CRACD: variants seen among roughly 807,000 people sequenced by gnomAD.
CRACD encodes capping protein inhibiting regulator of actin dynamics.
A neutral mutation model predicts 106.8 loss-of-function variants in CRACD; 56 were observed. The observed-to-expected ratio is 0.52, with a 90% confidence interval of 0.42 to 0.66. CRACD has a LOEUF of 0.66. Among genes scored for constraint, CRACD ranks in the 30% least tolerant of loss-of-function variants. The pLI, the probability that CRACD is intolerant of heterozygous loss-of-function variation, is 0.00. For synonymous variants in CRACD, 754 were observed against 670.8 expected (o/e 1.12, Z -1.92); for missense variants, 1,730 against 1,623.2 (o/e 1.07, Z -1.13).
intron 2 of CRACD, among the ~76,000 whole-genome samples, chr4:56,245,835 A>G (rs1167405434): frequency 6.6e-6 from 1 of 152,254 alleles, no homozygotes; most frequent in Non-Finnish European, 1.5e-5. Context: ...TTTGGTTGAG[A>G]TAGCAAATAA....
Position 56,180,203 on chromosome 4 carries a change from T to C in CRACD, c.-189+773T>C, listed in dbSNP as rs74596381. ...ATCTGCCTCCCCTGTAAAAATAACA[T>C]CATATCAGCCGGGCACGTTGGCTCA... On this transcript the variant is annotated intron_variant, in intron 2 of 10. Coordinates refer to ENST00000682029, the MANE Select transcript of CRACD (RefSeq NM_001393381.1). Among the ~76,000 whole-genome samples the C allele has an allele frequency of 6.7e-3, 1,015 of 151,780 alleles. 18 individuals are homozygous for C. Among genetic ancestry groups the C allele is most frequent in the African/African-American group, 0.024 (975 of 41,380 alleles).
At chr4:56,270,296 T>A (rs191882676) in intron 2 of CRACD, among the ~76,000 whole-genome samples, 2 of 152,174 alleles carry the variant, frequency 1.3e-5, no homozygotes, top group East Asian at 3.9e-4. Context: ...GCTCAAATGA[T>A]CCTCCCACCT....
At chr4:56,226,396 C>G (rs571008196) in intron 2 of CRACD, among the ~76,000 whole-genome samples, 3 of 152,076 alleles carry the variant, frequency 2.0e-5, no homozygotes, top group East Asian at 1.9e-4. Flanking sequence ...AGAGGAGAAA[C>G]GCAGATACAA....
intron 10 of CRACD, among the ~76,000 whole-genome samples, chr4:56,325,960 G>A (rs537788258): frequency 6.6e-6 from 1 of 152,350 alleles, no homozygotes; most frequent in South Asian, 2.1e-4. Flanking sequence ...TGCCCATGCT[G>A]GAGTGCGATG....
chr4:56,107,644 T>A (rs1733992529), intron 1 of CRACD, among the ~76,000 whole-genome samples: 1 of 152,166 alleles, frequency 6.6e-6, no homozygotes, highest in Non-Finnish European at 1.5e-5. Context: ...CTTTTCAAGT[T>A]TCGAAGGTAG....
Position 56,298,329 on chromosome 4 carries a change from G to A in CRACD, c.100G>A (p.Gly34Ser), listed in dbSNP as rs758380366. 5 of 1,614,104 alleles carry A rather than the reference G, an allele frequency of 3.1e-6. No individual in the cohort carries two copies. The highest frequency in any genetic ancestry group is 3.3e-5 in the Admixed American group (2 of 60,026). ...VQAMSQDNIL[G>S]KVKTLQQQLG... Reference sequence around the variant, plus strand: ...AGCAATGTCACAGGACAACATCCTGGGCAAAGTCAAAACTCTTCAGGTAAG... The same window carrying A: ...AGCAATGTCACAGGACAACATCCTGAGCAAAGTCAAAACTCTTCAGGTAAG... Residue 34 changes from glycine (G) to serine (S), a missense_variant, in exon 4 of 11, where the codon GGC becomes AGC. Around this residue, in one of 5 missense-constraint regions of CRACD, gnomAD observed 1,620 missense variants for 1,481.6 expected, o/e 1.09. Coordinates refer to ENST00000682029, the MANE Select transcript of CRACD (RefSeq NM_001393381.1).
chr4:56,159,992 G>T (rs1012538929), intron 1 of CRACD, among the ~76,000 whole-genome samples: 15 of 151,654 alleles, frequency 9.9e-5, no homozygotes, highest in African/African-American at 3.6e-4. Context: ...TGTTGGTCAG[G>T]CTGGTCTTGA....
At chr4:56,134,674 G>A (rs1346274728) in intron 1 of CRACD, among the ~76,000 whole-genome samples, 1 of 152,252 alleles carries the variant, frequency 6.6e-6, no homozygotes, top group Non-Finnish European at 1.5e-5. Flanking sequence ...CCCTAAGAGA[G>A]TAGACTGTGG....
At chr4:56,058,424 T>G (rs1216367698) in intron 1 of CRACD, among the ~76,000 whole-genome samples, 2 of 152,166 alleles carry the variant, frequency 1.3e-5, no homozygotes, top group Non-Finnish European at 2.9e-5. Context: ...TCAGGCTGAA[T>G]CATTTTTGGA....
intron 1 of CRACD, among the ~76,000 whole-genome samples, chr4:56,062,501 C>T (rs556357298): frequency 8.5e-5 from 13 of 152,122 alleles, no homozygotes; most frequent in African/African-American, 2.4e-5. Flanking sequence ...TGCTTAAAAC[C>T]GGCTTGTTCT....
At chr4:56,238,019 T>C (rs895861274) in intron 2 of CRACD, among the ~76,000 whole-genome samples, 3 of 152,132 alleles carry the variant, frequency 2.0e-5, no homozygotes, top group Admixed American at 2.0e-4. Flanking sequence ...CATCCAGATA[T>C]ATAAATATCT....
chr4:56,228,087 C>A (rs1467921132), intron 2 of CRACD, among the ~76,000 whole-genome samples: 1 of 152,148 alleles, frequency 6.6e-6, no homozygotes, highest in African/African-American at 2.4e-5. Flanking sequence ...TGCCTTGGAG[C>A]CTTCCTGGTA....
rs116644059 is a variant in CRACD, at chr4:56,328,289, C to T, written c.*485C>T. ...GATCATATCTAGCTAAAAGCAAGAA[C>T]ACCCATTCTCCTGAATGCAGTGAGT... On this transcript the variant is annotated 3_prime_UTR_variant, in exon 11 of 11. Coordinates refer to ENST00000682029, the MANE Select transcript of CRACD (RefSeq NM_001393381.1). 344 of 517,420 alleles carry T rather than the reference C, an allele frequency of 6.6e-4. No individual in the cohort carries two copies. Among genetic ancestry groups the T allele is most frequent in the African/African-American group, 6.1e-3 (317 of 52,036 alleles). 32.1% of individuals were successfully genotyped at this position (517,420 alleles called of 1,614,324 possible).
At chr4:56,219,421 C>T (rs1315125085) in intron 2 of CRACD, among the ~76,000 whole-genome samples, 1 of 152,168 alleles carries the variant, frequency 6.6e-6, no homozygotes, top group Non-Finnish European at 1.5e-5. Context: ...GATCTCAGCT[C>T]ACTGCAACCT....
At chr4:56,206,798 C>G (rs12645387) in intron 2 of CRACD, among the ~76,000 whole-genome samples, 13,738 of 152,150 alleles carry the variant, frequency 0.09, 1,653 homozygotes, top group East Asian at 0.5. Context: ...GAAGGCTTTA[C>G]TGCCACTCTC....
chr4:56,133,097 C>T (rs1047864829), intron 1 of CRACD, among the ~76,000 whole-genome samples: 5 of 152,156 alleles, frequency 3.3e-5, no homozygotes, highest in African/African-American at 1.2e-4. Context: ...TATTTCAGAA[C>T]TCTTTTAGAT....
intron 3 of CRACD, among the ~76,000 whole-genome samples, chr4:56,278,647 G>T (rs1742813342): frequency 6.6e-6 from 1 of 152,068 alleles, no homozygotes; most frequent in Non-Finnish European, 1.5e-5. Flanking sequence ...AGAAAAGTTG[G>T]ACTACATCAA....
At chr4:56,256,310 C>T (rs755904026) in intron 2 of CRACD, among the ~76,000 whole-genome samples, 12 of 152,182 alleles carry the variant, frequency 7.9e-5, no homozygotes, top group Non-Finnish European at 8.8e-5. Flanking sequence ...CTTCTCTTGT[C>T]GGCCACCATG....
chr4:56,061,622 T>C (rs1292895512), intron 1 of CRACD, among the ~76,000 whole-genome samples: 1 of 152,078 alleles, frequency 6.6e-6, no homozygotes, highest in Non-Finnish European at 1.5e-5. Flanking sequence ...GGAGATGACA[T>C]TCTGGTGGGA....
Sources: allele counts gnomAD v4.1 joint callset (sites outside exome capture counted in the v4.1 genomes callset), GRCh38; gene constraint gnomAD v4.1.1; regional missense constraint gnomAD v4.1.1; transcripts MANE v1.5; gene names NCBI Gene and HGNC (gene_info 2026-07-23, HGNC 2026-07-21).